GLRX3: variants seen among roughly 807,000 people sequenced by gnomAD.
The protein encoded by GLRX3 is glutaredoxin 3.
In GLRX3, 22 loss-of-function variants were observed where a neutral mutation model predicts 49.5. The ratio of observed to expected loss-of-function variants is 0.44; its 90% CI spans 0.32 to 0.63. The LOEUF is 0.63. Among genes scored for constraint, GLRX3 ranks in the 30% least tolerant of loss-of-function variants. GLRX3 has a pLI of 0.05. For missense variants in GLRX3, 385 were observed against 396.3 expected (o/e 0.97, Z 0.24); for synonymous variants, 133 against 140.0 (o/e 0.95, Z 0.35).
At chr10:130,176,122 T>C (rs1374747658) in intron 10 of GLRX3, among the ~76,000 whole-genome samples, 1 of 152,122 alleles carries the variant, frequency 6.6e-6, no homozygotes, top group Non-Finnish European at 1.5e-5. Flanking sequence ...GTTTTTTTTT[T>C]TTTTTTACAT....
At chr10:130,173,070 GC>G (rs1277672971) in intron 8 of GLRX3, among the ~76,000 whole-genome samples, 1 of 152,200 alleles carries the variant, frequency 6.6e-6, no homozygotes, top group Non-Finnish European at 1.5e-5. Flanking sequence ...TACAGTGGGG[GC>G]TGGCTTGTTT....
intron 8 of GLRX3, among the ~76,000 whole-genome samples, chr10:130,172,464 G>A (rs972795239): frequency 6.6e-6 from 1 of 152,118 alleles, no homozygotes; most frequent in Non-Finnish European, 1.5e-5. Context: ...GAGATATACA[G>A]CACATGTTCT....
At chr10:130,136,596 C>T in intron 1 of GLRX3, 84 bp downstream of exon 1, 2 of 1,232,328 alleles carry the variant, frequency 1.6e-6, no homozygotes, top group Middle Eastern at 3.1e-4. Flanking sequence ...GGCGGGTGGC[C>T]CAGCCTGGCT....
chr10:130,139,661 A>C (rs1167599490), intron 1 of GLRX3, among the ~76,000 whole-genome samples: 1 of 151,450 alleles, frequency 6.6e-6, no homozygotes, highest in Admixed American at 6.6e-5. Flanking sequence ...AAAACCAAAA[A>C]AAGAATATCA....
intron 4 of GLRX3, 71 bp from the exon 5 acceptor site, chr10:130,166,436 C>CA (rs1862690831): frequency 9.2e-7 from 1 of 1,089,024 alleles, no homozygotes; most frequent in Non-Finnish European, 1.4e-6. Flanking sequence ...GTACGCTGAA[C>CA]TAATGTATTA....
chr10:130,158,452 A>G (rs890327800), intron 2 of GLRX3, among the ~76,000 whole-genome samples: 1 of 152,198 alleles, frequency 6.6e-6, no homozygotes, highest in Non-Finnish European at 1.5e-5. Context: ...TTCTGGTTTA[A>G]GATCACATTA....
chr10:130,156,345 C>G (rs1393232864), intron 2 of GLRX3, among the ~76,000 whole-genome samples: 3 of 152,216 alleles, frequency 2.0e-5, no homozygotes, highest in Admixed American at 6.5e-5. Context: ...GCATAGCCGT[C>G]TTGGCCTAAT....
intron 4 of GLRX3, among the ~76,000 whole-genome samples, chr10:130,163,319 G>A (rs1209015615): frequency 6.6e-6 from 1 of 152,158 alleles, no homozygotes; most frequent in Non-Finnish European, 1.5e-5. Flanking sequence ...CCACTTGGGA[G>A]GCTGAGGCAG....
At chr10:130,150,614 GA>G (rs1862357713) in intron 2 of GLRX3, among the ~76,000 whole-genome samples, 1 of 152,104 alleles carries the variant, frequency 6.6e-6, no homozygotes, top group Non-Finnish European at 1.5e-5. Context: ...TTCTTATTTT[GA>G]AAGTGCGACT....
chr10:130,176,167 T>C (rs1009518322), intron 10 of GLRX3, among the ~76,000 whole-genome samples: 23 of 151,632 alleles, frequency 1.5e-4, no homozygotes, highest in African/African-American at 5.6e-4. Flanking sequence ...TGTTCCCCAC[T>C]GGAGTGCAAT....
At chr10:130,151,474 A>G (rs1256252643) in intron 2 of GLRX3, among the ~76,000 whole-genome samples, 4 of 152,206 alleles carry the variant, frequency 2.6e-5, no homozygotes, top group Non-Finnish European at 5.9e-5. Flanking sequence ...TGTACCCATC[A>G]ACTCATCATT....
intron 2 of GLRX3, among the ~76,000 whole-genome samples, chr10:130,158,969 A>G (rs1369042758): frequency 1.3e-5 from 2 of 152,186 alleles, no homozygotes; most frequent in African/African-American, 4.8e-5. Context: ...TCTGCTTCCC[A>G]CTTTCTCTGC....
At chr10:130,155,543 G>T (rs1835843960) in intron 2 of GLRX3, among the ~76,000 whole-genome samples, 1 of 152,152 alleles carries the variant, frequency 6.6e-6, no homozygotes, top group Non-Finnish European at 1.5e-5. Context: ...TGAGAGAAAT[G>T]GATTAATCAA....
Position 130,157,493 on chromosome 10 carries a change from GCCCCCCCCCCCCCCCCCC to G in GLRX3, c.202-2495_202-2478del, listed in dbSNP as rs1161867057. On this transcript the variant is annotated intron_variant, in intron 2 of 10. Transcript: ENST00000331244. ...TTCAACCTATTGGATGGTGGCCGCC[GCCCCCCCCCCCCCCCCCC>G]CCCCCCGCCCATATTGGGTGAGAAT... Among the ~76,000 whole-genome samples, 15 of 5,976 alleles carry G rather than the reference GCCCCCCCCCCCCCCCCCC, an allele frequency of 2.5e-3. 2 individuals are homozygous for G. In the Admixed American group the frequency reaches 0.031, roughly 13 times the overall value. 3.9% of individuals were successfully genotyped at this position (5,976 alleles called of 152,430 possible). A position where few individuals can be genotyped will look rare whatever the true frequency, so the allele number is the denominator to read the frequency against.
intron 2 of GLRX3, among the ~76,000 whole-genome samples, chr10:130,147,983 C>T (rs1417348911): frequency 2.0e-5 from 3 of 152,100 alleles, no homozygotes; most frequent in Non-Finnish European, 4.4e-5. Flanking sequence ...GGTCTCAAGG[C>T]GGTCACACCA....
chr10:130,157,493 G>A (rs920381068), intron 2 of GLRX3, among the ~76,000 whole-genome samples: 1 of 5,974 alleles, frequency 1.7e-4, no homozygotes. Flanking sequence ...GGTGGCCGCC[G>A]CCCCCCCCCC....
At chr10:130,172,805 G>A (rs984201069) in intron 8 of GLRX3, among the ~76,000 whole-genome samples, 5 of 152,106 alleles carry the variant, frequency 3.3e-5, no homozygotes, top group African/African-American at 1.2e-4. Flanking sequence ...AGCCGGGTGC[G>A]GTGGCGCACG....
chr10:130,170,063 G>A (rs146140600), intron 7 of GLRX3, among the ~76,000 whole-genome samples: 3 of 152,284 alleles, frequency 2.0e-5, no homozygotes, highest in Admixed American at 6.5e-5. Flanking sequence ...TACTTCCACC[G>A]ATAGTTTGAG....
At chr10:130,142,334 C>T (rs1862190814) in intron 1 of GLRX3, among the ~76,000 whole-genome samples, 1 of 152,144 alleles carries the variant, frequency 6.6e-6, no homozygotes, top group Non-Finnish European at 1.5e-5. Context: ...CTCACCTCTC[C>T]CAACACTTAC....
Sources: gnomAD v4.1 joint callset for allele counts (sites outside exome capture counted in the v4.1 genomes callset) on GRCh38, gnomAD v4.1.1 for gene constraint, MANE v1.5 for transcripts, NCBI Gene and HGNC (gene_info 2026-07-23, HGNC 2026-07-21) for gene names.